The following PCDHA13 variants were observed in gnomAD, a reference collection of about 807,000 sequenced individuals.
The protein encoded by PCDHA13 is protocadherin alpha-13.
Under a neutral mutation model 64.8 loss-of-function variants are expected in PCDHA13, and 54 were observed. That is an observed-to-expected ratio of 0.83 (90% CI 0.67 to 1.04). The LOEUF (loss-of-function observed/expected upper bound fraction) is 1.04. PCDHA13 is among the 50% of genes least tolerant of loss of function. The pLI is 0.00. For synonymous variants in PCDHA13, 587 were observed against 564.4 expected (o/e 1.04, Z -0.57); for missense variants, 1,248 against 1,254.3 (o/e 0.99, Z 0.08).
chr5:140,970,059 G>C (rs2096380498), intron 1 of PCDHA13, among the ~76,000 whole-genome samples: 1 of 152,150 alleles, frequency 6.6e-6, no homozygotes. Context: ...GTCCAGGGAG[G>C]TATTAGAATG....
Position 140,884,267 on chromosome 5 carries a change from T to C in PCDHA13, c.1999T>C (p.Leu667=). Residue 667 remains leucine (L), a synonymous_variant, in exon 1 of 4, where the codon TTG becomes CTG. Transcript: ENST00000289272. ...GCTGACGGCCACGGCAACGGTGCTGTTGTCGCTGGTGGAGAGCGGCCAAGC... is the reference window on the plus strand; with the variant it reads ...GCTGACGGCCACGGCAACGGTGCTGCTGTCGCTGGTGGAGAGCGGCCAAGC... The part of the protein sequence containing the change: ...PALTATATVL[L]SLVESGQAPQ... The C allele has an allele frequency of 1.9e-6, 3 of 1,613,566 alleles. No homozygotes were observed. The highest frequency in any genetic ancestry group is 1.1e-5 in the South Asian group (1 of 91,050).
At chr5:140,988,556 C>G (rs574182013) in intron 3 of PCDHA13, among the ~76,000 whole-genome samples, 2 of 152,158 alleles carry the variant, frequency 1.3e-5, no homozygotes, top group Non-Finnish European at 2.9e-5. Flanking sequence ...TCTTCATCTT[C>G]TTCTTGGGAA....
At chr5:140,942,311 G>A (rs781987580) in intron 1 of PCDHA13, among the ~76,000 whole-genome samples, 1 of 152,004 alleles carries the variant, frequency 6.6e-6, no homozygotes, top group Non-Finnish European at 1.5e-5. Flanking sequence ...TTGGGAGGTC[G>A]AGGCACAAGA....
At chr5:141,002,559 G>C (rs2098085590) in intron 3 of PCDHA13, among the ~76,000 whole-genome samples, 2 of 152,192 alleles carry the variant, frequency 1.3e-5, no homozygotes. Context: ...GGATCCACCA[G>C]TTAGTGACCA....
chr5:140,922,257 G>A (rs2080747240), intron 1 of PCDHA13, among the ~76,000 whole-genome samples: 5 of 152,172 alleles, frequency 3.3e-5, no homozygotes, highest in Admixed American at 3.3e-4. Context: ...AAGTTACTAA[G>A]TGCCATGAAG....
At chr5:140,977,634 T>A (rs187884163) in intron 1 of PCDHA13, among the ~76,000 whole-genome samples, 83 of 152,298 alleles carry the variant, frequency 5.4e-4, no homozygotes, top group African/African-American at 1.9e-3. Context: ...TTGTAACTTT[T>A]TCTGGGCCTT....
intron 2 of PCDHA13, among the ~76,000 whole-genome samples, chr5:140,981,879 A>G (rs1472110145): frequency 3.9e-5 from 6 of 152,158 alleles, no homozygotes; most frequent in Non-Finnish European, 7.3e-5. Context: ...TGCTGAATTA[A>G]TCTCTTCTGA....
chr5:141,010,016 CT>C lies in PCDHA13; in HGVS notation c.*84del. 1 of 1,572,200 alleles carries C rather than the reference CT, an allele frequency of 6.4e-7. No homozygotes were observed. The highest frequency in any genetic ancestry group is 8.6e-7 in the Non-Finnish European group (1 of 1,163,240). On this transcript the variant is annotated 3_prime_UTR_variant, in exon 4 of 4. Transcript: ENST00000289272. Reference sequence around the variant, plus strand: ...TCTCCCATGTAGCAATTCCCTGCTCCTTTTTCCTATCTACATGAGCCCTCTT... The same window carrying C: ...TCTCCCATGTAGCAATTCCCTGCTCCTTTTCCTATCTACATGAGCCCTCTT...
intron 1 of PCDHA13, among the ~76,000 whole-genome samples, chr5:140,952,279 T>C (rs1222400527): frequency 6.7e-6 from 1 of 149,858 alleles, no homozygotes; most frequent in Non-Finnish European, 1.5e-5. Flanking sequence ...TTGAGGGTGG[T>C]GGCCCTCTTC....
chr5:140,953,099 G>A lies in PCDHA13; in HGVS notation c.2395-25850G>A, dbSNP rs1554220803. On this transcript the variant is annotated intron_variant, in intron 1 of 3. Transcript: ENST00000289272. ...CATTGGGGATTACAATTTGACATGA[G>A]ATTTGGGCAGGGACACAGATCTAAA... Among the ~76,000 whole-genome samples, 7 of 152,256 alleles carry A rather than the reference G, an allele frequency of 4.6e-5. 1 individual carries two copies. Among genetic ancestry groups the A allele is most frequent in the South Asian group, 2.1e-4 (1 of 4,828 alleles).
rs1038789772 is a variant in PCDHA13, at chr5:140,894,031, G to C, written c.2394+9369G>C. On this transcript the variant is annotated intron_variant, in intron 1 of 3. Transcript: ENST00000289272. ...TTCAAATTACCAGTTCTGCATACTG[G>C]TAATGTAAGTCCTCTGTTGAATTGA... Among the ~76,000 whole-genome samples, 3 of 152,204 alleles carry C rather than the reference G, an allele frequency of 2.0e-5. No homozygotes were observed. In the South Asian group the frequency reaches 6.2e-4, roughly 32 times the overall value.
At chr5:140,941,239 C>CTTTCTTTCTTTCT in intron 1 of PCDHA13, among the ~76,000 whole-genome samples, 1 of 134,600 alleles carries the variant, frequency 7.4e-6, no homozygotes, top group South Asian at 2.4e-4. Flanking sequence ...TTCTTTCTTT[C>CTTTCTTTCTTTCT]TTTCTTTCTT....
intron 1 of PCDHA13, among the ~76,000 whole-genome samples, chr5:140,919,654 C>CAT (rs1554199189): frequency 6.6e-6 from 1 of 151,822 alleles, no homozygotes; most frequent in African/African-American, 2.4e-5. Context: ...TAGAGTTTAC[C>CAT]ATATATATTT....
At chr5:140,904,154 C>T (rs1163595423) in intron 1 of PCDHA13, among the ~76,000 whole-genome samples, 1 of 152,060 alleles carries the variant, frequency 6.6e-6, no homozygotes, top group Non-Finnish European at 1.5e-5. Flanking sequence ...ACATTGCACC[C>T]AGTTTGTAGT....
intron 1 of PCDHA13, among the ~76,000 whole-genome samples, chr5:140,954,491 T>C (rs1554221443): frequency 6.6e-6 from 1 of 152,264 alleles, no homozygotes; most frequent in Non-Finnish European, 1.5e-5. Flanking sequence ...TATTTCATTG[T>C]GGTTTTGATT....
At chr5:140,917,552 C>T (rs200211133) in intron 1 of PCDHA13, among the ~76,000 whole-genome samples, 1 of 152,192 alleles carries the variant, frequency 6.6e-6, no homozygotes, top group Non-Finnish European at 1.5e-5. Flanking sequence ...TTACATTTAA[C>T]TCTTTAATCC....
chr5:140,982,483 A>G lies in PCDHA13; in HGVS notation c.2462A>G (p.His821Arg). Residue 821 changes from histidine (H) to arginine (R), a missense_variant, in exon 3 of 4, where the codon CAC (histidine) becomes CGC (arginine). His to Arg is a conservative substitution (Grantham distance 29, BLOSUM62 0). Transcript: ENST00000289272. ...SLRAGMHSSV[H>R]LEEAGILRAG... ...TCTGTGTGTTTATTCAGCTCTGTGC[A>G]CCTAGAGGAGGCTGGCATTCTACGG... The G allele has an allele frequency of 1.2e-6, 2 of 1,614,142 alleles. No homozygotes were observed. Among genetic ancestry groups the G allele is most frequent in the Non-Finnish European group, 1.7e-6 (2 of 1,180,016 alleles).
chr5:140,978,820 TG>T, intron 1 of PCDHA13, 128 bp from the exon 2 acceptor site: 2 of 1,517,498 alleles, frequency 1.3e-6, no homozygotes, highest in Non-Finnish European at 1.8e-6. Flanking sequence ...GAGTTACACA[TG>T]AAATGGCTCA....
chr5:140,976,819 T>C (rs1380206599), intron 1 of PCDHA13, among the ~76,000 whole-genome samples: 3 of 152,222 alleles, frequency 2.0e-5, no homozygotes, highest in Admixed American at 2.0e-4. Flanking sequence ...TATGCATGTG[T>C]CTAATGAGCA....
Sources: gnomAD v4.1 joint callset for allele counts (sites outside exome capture counted in the v4.1 genomes callset) on GRCh38, gnomAD v4.1.1 for gene constraint, MANE v1.5 for transcripts, NCBI Gene and HGNC (gene_info 2026-07-23, HGNC 2026-07-21) for gene names.